FAM78B: variants seen among roughly 807,000 people sequenced by gnomAD.
The protein encoded by FAM78B is protein FAM78B.
Under a neutral mutation model 20.0 loss-of-function variants are expected in FAM78B, and 10 were observed. The ratio of observed to expected loss-of-function variants is 0.50; its 90% CI spans 0.31 to 0.85. The LOEUF (loss-of-function observed/expected upper bound fraction) is 0.85, where lower values mean the gene tolerates loss of function less well. Ranked by LOEUF, FAM78B falls within the 40% of genes least tolerant of loss-of-function variation. The pLI, the probability that FAM78B is intolerant of heterozygous loss-of-function variation, is 0.05. For synonymous variants in FAM78B, 135 were observed against 132.8 expected, an observed-to-expected ratio of 1.02 and a Z score of -0.12; for missense variants, 283 against 345.0, an observed-to-expected ratio of 0.82 and a Z score of 1.42.
At chr1:166,137,669 T>C (rs970938078) in intron 1 of FAM78B, among the ~76,000 whole-genome samples, 1 of 152,314 alleles carries the variant, frequency 6.6e-6, no homozygotes, top group East Asian at 1.9e-4. Flanking sequence ...TCAAATAAAA[T>C]ATTAGAATTC....
chr1:166,087,997 T>A (rs575281238), intron 1 of FAM78B, among the ~76,000 whole-genome samples: 11 of 152,238 alleles, frequency 7.2e-5, no homozygotes, highest in Non-Finnish European at 2.9e-5. Context: ...TGCTTTTACC[T>A]TCTGCACCCT....
intron 1 of FAM78B, among the ~76,000 whole-genome samples, chr1:166,093,463 G>T (rs1290594076): frequency 6.6e-6 from 1 of 152,144 alleles, no homozygotes; most frequent in Non-Finnish European, 1.5e-5. Flanking sequence ...CTGGGTCAAA[G>T]ACAGAAGAGA....
chr1:166,154,702 T>C lies in FAM78B; in HGVS notation c.263+11284A>G, dbSNP rs1473422722. Reference sequence around the variant, plus strand: ...GACCACTGACTGCTGCTTTGAAGACTAGGTGTGCTGGGTGCCTCCAGCCCT... The same window carrying C: ...GACCACTGACTGCTGCTTTGAAGACCAGGTGTGCTGGGTGCCTCCAGCCCT... On this transcript the variant is annotated intron_variant, in intron 1 of 1. Transcript: ENST00000354422. The C allele has an allele frequency of 5.7e-6, 3 of 528,716 alleles. No homozygotes were observed. In the African/African-American group the frequency reaches 5.8e-5, roughly 10 times the overall value. The allele number at this position is 528,716 out of a possible 1,614,324, so 32.8% of individuals were successfully genotyped here. A position where few individuals can be genotyped will look rare whatever the true frequency, so the allele number is the denominator to read the frequency against.
chr1:166,114,898 C>A (rs572170464), intron 1 of FAM78B, among the ~76,000 whole-genome samples: 1 of 152,330 alleles, frequency 6.6e-6, no homozygotes, highest in East Asian at 1.9e-4. Flanking sequence ...ATCCTGGGGC[C>A]TCCTCACTCC....
intron 1 of FAM78B, among the ~76,000 whole-genome samples, chr1:166,104,092 A>G (rs370335609): frequency 6.6e-6 from 1 of 152,224 alleles, no homozygotes; most frequent in Non-Finnish European, 1.5e-5. Context: ...AAGAGAACCA[A>G]CAACAAAAAC....
intron 1 of FAM78B, among the ~76,000 whole-genome samples, chr1:166,116,048 G>GC (rs1234698285): frequency 6.6e-6 from 1 of 152,176 alleles, no homozygotes; most frequent in Non-Finnish European, 1.5e-5. Context: ...AAGTGCATAG[G>GC]CCCCTAGCAC....
downstream of FAM78B, among the ~76,000 whole-genome samples, chr1:166,056,024 A>G (rs1651332294): frequency 6.6e-6 from 1 of 152,226 alleles, no homozygotes; most frequent in Non-Finnish European, 1.5e-5. Flanking sequence ...AAGATGCAGG[A>G]ATCCCTTTTC....
intron 1 of FAM78B, among the ~76,000 whole-genome samples, chr1:166,109,838 A>ATATATGTATG (rs1469856162): frequency 4.7e-5 from 1 of 21,186 alleles, no homozygotes; most frequent in Non-Finnish European, 9.2e-5. Context: ...ATATGTATAT[A>ATATATGTATG]TGTATATATA....
At chr1:166,151,059 A>C (rs1655651680) in intron 1 of FAM78B, among the ~76,000 whole-genome samples, 1 of 152,230 alleles carries the variant, frequency 6.6e-6, no homozygotes, top group Non-Finnish European at 1.5e-5. Context: ...TTGCAGAGAG[A>C]TTCACCTCAG....
intron 1 of FAM78B, among the ~76,000 whole-genome samples, chr1:166,101,172 C>T (rs1408964423): frequency 1.3e-5 from 2 of 152,170 alleles, no homozygotes; most frequent in Non-Finnish European, 2.9e-5. Context: ...AAAGGACATC[C>T]ACACCAAAAC....
chr1:166,127,927 G>T (rs1654702158), intron 1 of FAM78B, among the ~76,000 whole-genome samples: 4 of 152,174 alleles, frequency 2.6e-5, no homozygotes. Context: ...ACACACTGAC[G>T]ATTATTTTAG....
intron 1 of FAM78B, among the ~76,000 whole-genome samples, chr1:166,150,632 T>C (rs191361108): frequency 6.6e-6 from 1 of 152,196 alleles, no homozygotes; most frequent in African/African-American, 2.4e-5. Context: ...ACGACCACAC[T>C]AGCATACACA....
At chr1:166,159,078 T>C (rs1024015582) in intron 1 of FAM78B, among the ~76,000 whole-genome samples, 2 of 152,222 alleles carry the variant, frequency 1.3e-5, no homozygotes, top group Non-Finnish European at 2.9e-5. Context: ...AGCCATGCTA[T>C]CAACTACTTG....
chr1:166,083,946 C>T (rs552429209), intron 1 of FAM78B, among the ~76,000 whole-genome samples: 1 of 151,856 alleles, frequency 6.6e-6, no homozygotes, highest in African/African-American at 2.4e-5. Context: ...GGGACCTGAG[C>T]TTCTTCAAAG....
chr1:166,111,655 A>G (rs1654062755), intron 1 of FAM78B, among the ~76,000 whole-genome samples: 2 of 152,314 alleles, frequency 1.3e-5, no homozygotes, highest in South Asian at 2.1e-4. Flanking sequence ...CGTCTTTATA[A>G]CAGAAAACTG....
intron 1 of FAM78B, among the ~76,000 whole-genome samples, chr1:166,149,410 A>G (rs9787239): frequency 0.24 from 36,860 of 152,052 alleles, 4,636 homozygotes; most frequent in South Asian, 0.43. Flanking sequence ...TCACCTGTAA[A>G]GTCAAGGAAG....
chr1:166,100,374 T>A (rs1363886333), intron 1 of FAM78B, among the ~76,000 whole-genome samples: 2 of 152,200 alleles, frequency 1.3e-5, no homozygotes, highest in Non-Finnish European at 2.9e-5. Flanking sequence ...GCACCTAGCA[T>A]GAGCCGAAGC....
At position 166,109,875 on chromosome 1, in the gene FAM78B, T is replaced by C. The variant is rs1210902377; in HGVS notation, c.264-39112A>G. On this transcript the variant is annotated intron_variant, in intron 1 of 1. Transcript: ENST00000354422. Reference sequence around the variant, plus strand: ...ATATATATATATGTATGTGTATATATATATATGTATATATGTATATATATA... The same window carrying C: ...ATATATATATATGTATGTGTATATACATATATGTATATATGTATATATATA... Among the ~76,000 whole-genome samples the C allele has an allele frequency of 1.7e-4, 3 of 17,762 alleles. 1 individual carries two copies. Among genetic ancestry groups the C allele is most frequent in the Non-Finnish European group, 3.1e-4 (3 of 9,550 alleles). 11.7% of individuals were successfully genotyped at this position (17,762 alleles called of 152,430 possible). A position where few individuals can be genotyped will look rare whatever the true frequency, so the allele number is the denominator to read the frequency against.
At chr1:166,123,920 A>G (rs1330388278) in intron 1 of FAM78B, among the ~76,000 whole-genome samples, 1 of 152,200 alleles carries the variant, frequency 6.6e-6, no homozygotes, top group Non-Finnish European at 1.5e-5. Flanking sequence ...GGCCAGTAGA[A>G]TGGGGAATGT....
Sources: allele counts gnomAD v4.1 joint callset (sites outside exome capture counted in the v4.1 genomes callset), GRCh38; gene constraint gnomAD v4.1.1; transcripts MANE v1.5; gene names NCBI Gene and HGNC (gene_info 2026-07-23, HGNC 2026-07-21).